PIDD1: variants seen among roughly 807,000 people sequenced by gnomAD.
The protein encoded by PIDD1 is p53-induced death domain protein 1.
Under a neutral mutation model 80.0 loss-of-function variants are expected in PIDD1, and 72 were observed. The observed-to-expected ratio is 0.90, with a 90% CI of 0.74 to 1.09. PIDD1 has a LOEUF of 1.09. Ranked by LOEUF, PIDD1 falls within the 50% of genes least tolerant of loss-of-function variation. PIDD1 has a pLI of 0.00. For synonymous variants in PIDD1, 655 were observed against 543.5 expected (o/e 1.21, Z -2.85); for missense variants, 1,329 against 1,228.3 (o/e 1.08, Z -1.23).
chr11:802,056 T>C lies in PIDD1; in HGVS notation c.1211A>G (p.Gln404Arg), dbSNP rs760579972. ...CACCACTTCACGGCAGCGCCGGGCCTGCGGTGGGGTGAAGAGCAGCCACAG... is the reference window on the plus strand; with the variant it reads ...CACCACTTCACGGCAGCGCCGGGCCCGCGGTGGGGTGAAGAGCAGCCACAG... ...VGLWLLFTPPQARRCREVVVR... is the reference protein window; with the variant it reads ...VGLWLLFTPPRARRCREVVVR... Residue 404 changes from glutamine (Q) to arginine (R), a missense_variant, in exon 7 of 16, where the codon CAG (glutamine) becomes CGG (arginine). By Grantham distance (43) the Gln-to-Arg change is conservative. Transcript: ENST00000347755. 1.3e-6 allele frequency: 2 copies of C among 1,583,566 alleles called. No individual in the cohort carries two copies. The highest frequency in any genetic ancestry group is 1.8e-5 in the Admixed American group (1 of 55,152).
chr11:806,992 G>C (rs991688002), upstream of PIDD1, among the ~76,000 whole-genome samples: 1 of 152,184 alleles, frequency 6.6e-6, no homozygotes, highest in African/African-American at 2.4e-5. Flanking sequence ...AGGAGTTCAA[G>C]CCCAGTCTGG....
upstream of PIDD1, among the ~76,000 whole-genome samples, chr11:807,620 A>G (rs531716122): frequency 2.7e-5 from 4 of 149,316 alleles, no homozygotes; most frequent in East Asian, 8.1e-4. Context: ...CACTAAAAAC[A>G]CAAAAACTTA....
upstream of PIDD1, chr11:805,388 C>T (rs1185546226): frequency 5.9e-6 from 2 of 340,340 alleles, no homozygotes; most frequent in African/African-American, 4.4e-5. Flanking sequence ...GTCGCAGCCC[C>T]GGAGACGCGG....
rs776744910 is a variant in PIDD1 at position 799,585 on chromosome 11, G to A, written c.2475-20C>T. On this transcript the variant is annotated intron_variant, in intron 15 of 15. Transcript: ENST00000347755. ...TCATCCCTGCAGGCAGAGGATGGGC[G>A]ACAGAGGGGTCCTGTCCACCTGCCC... 5.1e-6 allele frequency: 8 copies of A among 1,578,126 alleles called. No individual in the cohort carries two copies. The highest frequency in any genetic ancestry group is 4.5e-5 in the East Asian group (2 of 44,570).
In PIDD1 at chr11:799,332, T is replaced by C; in HGVS notation, c.2708A>G (p.Gln903Arg). 1.2e-6 allele frequency: 2 copies of C among 1,606,880 alleles called. No homozygotes were observed. Among genetic ancestry groups the C allele is most frequent in the Non-Finnish European group, 8.5e-7 (1 of 1,177,878 alleles). ...DPALPGSSAP[Q>R]PPEPAQA is the part of the protein sequence containing the mutation. ...CTAGGCCTGGGCAGGCTCTGGGGGCTGTGGAGCCGAGGAGCCAGGCAGAGC... is the reference window on the plus strand; with the variant it reads ...CTAGGCCTGGGCAGGCTCTGGGGGCCGTGGAGCCGAGGAGCCAGGCAGAGC... The change falls in exon 16 of 16, where the codon CAG (glutamine) becomes CGG (arginine). Residue 903 changes from glutamine (Q) to arginine (R), a missense_variant. Gln to Arg is a conservative substitution (Grantham distance 43, BLOSUM62 1). Coordinates refer to ENST00000347755, the MANE Select transcript of PIDD1 (RefSeq NM_145886.4).
Position 801,628 on chromosome 11 carries a change from G to A in PIDD1, c.1303-4C>T. On this transcript the variant is annotated splice_polypyrimidine_tract_variant and splice_region_variant and intron_variant, in intron 7 of 15. Transcript: ENST00000347755. ...CCTGGCAGTGAGCCCAGAGCCGCTG[G>A]GATGGGGGAGAGAGGAGGTCACAGG... 6.6e-7 allele frequency: 1 copy of A among 1,516,156 alleles called. No homozygotes were observed. Among genetic ancestry groups the A allele is most frequent in the Non-Finnish European group, 8.8e-7 (1 of 1,131,236 alleles). 93.9% of individuals were successfully genotyped at this position (1,516,156 alleles called of 1,614,324 possible). A position where few individuals can be genotyped will look rare whatever the true frequency, so the allele number is the denominator to read the frequency against.
rs766234702 is a variant in PIDD1 at position 801,140 on chromosome 11, C to T, written c.1631-20G>A. 33 of 1,546,492 alleles carry T rather than the reference C, an allele frequency of 2.1e-5. No homozygotes were observed. The South Asian group carries it at 3.1e-4, about 14-fold the overall frequency. On this transcript the variant is annotated intron_variant, in intron 9 of 15. Transcript: ENST00000347755. ...TGAGGCCTGGGGATGGGAGGGGCAG[C>T]GAGCTGAGGCCTCCTGGCCGGAGAC...
intron 7 of PIDD1, 28 bp from the exon 8 acceptor site, chr11:801,652 G>A (rs375458373): frequency 6.5e-7 from 1 of 1,540,576 alleles, no homozygotes; most frequent in Non-Finnish European, 8.8e-7. Context: ...GGAGGTCACA[G>A]GAGCCTGGGT....
At chr11:799,710 T>C in intron 15 of PIDD1, 105 bp downstream of exon 15, 1 of 1,367,100 alleles carries the variant, frequency 7.3e-7, no homozygotes, top group East Asian at 2.5e-5. Context: ...TGTTTGCCCT[T>C]CCCCCACCTC....
At position 799,330 on chromosome 11, in the gene PIDD1, G is replaced by T. The variant is rs1170570085; in HGVS notation, c.2710C>A (p.Pro904Thr). Residue 904 changes from proline to threonine, a missense_variant, in exon 16 of 16, where the codon CCC becomes ACC. Coordinates refer to ENST00000347755, the MANE Select transcript of PIDD1 (RefSeq NM_145886.4). ...PALPGSSAPQ[P>T]PEPAQA ...GCCTAGGCCTGGGCAGGCTCTGGGG[G>T]CTGTGGAGCCGAGGAGCCAGGCAGA... 1 of 1,606,332 alleles carries T rather than the reference G, an allele frequency of 6.2e-7. No homozygotes were observed. Among genetic ancestry groups the T allele is most frequent in the Admixed American group, 1.7e-5 (1 of 59,868 alleles).
At position 802,883 on chromosome 11, in the gene PIDD1, G is replaced by T. The variant is rs777494501; in HGVS notation, c.718C>A (p.Arg240=). Residue 240 remains arginine (R), a synonymous_variant, in exon 4 of 16, where the codon CGG becomes AGG. Coordinates refer to ENST00000347755, the MANE Select transcript of PIDD1 (RefSeq NM_145886.4). ...TGCAGGACAAGGAGCCGCAAGGACC[G>T]AAGTCCCGCTGCGGGCAGTTGCTGG... is the stretch of plus-strand genomic sequence containing the variant. ...QSLPASLAGL[R]SLRLLVLHSN... is the part of the protein sequence containing the mutation. 1 of 1,566,612 alleles carries T rather than the reference G, an allele frequency of 6.4e-7. No individual in the cohort carries two copies. Among genetic ancestry groups the T allele is most frequent in the Non-Finnish European group, 8.6e-7 (1 of 1,156,618 alleles).
rs1565059207 is a variant in PIDD1 at position 801,631 on chromosome 11, T to G, written c.1303-7A>C. 1 of 1,548,034 alleles carries G rather than the reference T, an allele frequency of 6.5e-7. No individual in the cohort carries two copies. Among genetic ancestry groups the G allele is most frequent in the South Asian group, 1.2e-5 (1 of 83,752 alleles). Reference sequence around the variant, plus strand: ...GGCAGTGAGCCCAGAGCCGCTGGGATGGGGGAGAGAGGAGGTCACAGGAGC... The same window carrying G: ...GGCAGTGAGCCCAGAGCCGCTGGGAGGGGGGAGAGAGGAGGTCACAGGAGC... On this transcript the variant is annotated splice_polypyrimidine_tract_variant and splice_region_variant and intron_variant, in intron 7 of 15. Coordinates refer to ENST00000347755, the MANE Select transcript of PIDD1 (RefSeq NM_145886.4).
chr11:803,772 G>A (rs1240391660), intron 2 of PIDD1, 185 bp from the exon 3 acceptor site: 3 of 679,370 alleles, frequency 4.4e-6, no homozygotes, highest in African/African-American at 1.8e-5. Context: ...AGGCAGGGGT[G>A]GAGACCACCG....
rs1274157020 is a variant in PIDD1 at position 802,834 on chromosome 11, G to A, written c.767C>T (p.Pro256Leu). The change falls in exon 4 of 16, where the codon CCA becomes CTA. Residue 256 changes from proline (P) to leucine (L), a missense_variant. Pro to Leu is a moderately conservative substitution (Grantham distance 98). Transcript: ENST00000347755. ...GAGTGGAAGGCGGGCCAAGTCAGCT[G>A]GCACAGAGGCCAGGAGGTTGCTGTG... is the stretch of plus-strand genomic sequence containing the variant. ...VLHSNLLASV[P>L]ADLARLPLLT... 4 of 1,596,012 alleles carry A rather than the reference G, an allele frequency of 2.5e-6. No homozygotes were observed. The highest frequency in any genetic ancestry group is 1.1e-5 in the South Asian group (1 of 88,710).
chr11:807,756 G>T (rs148652723), upstream of PIDD1, among the ~76,000 whole-genome samples: 1 of 151,936 alleles, frequency 6.6e-6, no homozygotes, highest in Non-Finnish European at 1.5e-5. Flanking sequence ...CAGCCTGGGC[G>T]GCAGAGCAAG....
intron 1 of PIDD1, chr11:804,859 A>G (rs910373638): frequency 1.3e-5 from 2 of 155,508 alleles, no homozygotes; most frequent in African/African-American, 4.8e-5. Context: ...ACCCTCCCCT[A>G]CCGCGGGGGT....
At position 801,459 on chromosome 11, in the gene PIDD1, G is replaced by C. The variant is rs377230386; in HGVS notation, c.1468C>G (p.Arg490Gly). ...CCTGGCCATACCTGCATGGAGACTC[G>C]ACGAGGCTCCTCAGTGGCCCCAGGG... Reference protein sequence around the residue: ...FPPGATEEPRRVSMQVVRMAG... With the variant: ...FPPGATEEPRGVSMQVVRMAG... Residue 490 changes from arginine to glycine, a missense_variant, in exon 8 of 16, where the codon CGA (arginine) becomes GGA (glycine). Coordinates refer to ENST00000347755, the MANE Select transcript of PIDD1 (RefSeq NM_145886.4). The C allele has an allele frequency of 8.4e-6, 13 of 1,544,992 alleles. No homozygotes were observed. In the African/African-American group the frequency reaches 1.5e-4, roughly 18 times the overall value.
Position 800,022 on chromosome 11 carries a change from A to C in PIDD1, c.2275-8T>G, listed in dbSNP as rs1565050716. On this transcript the variant is annotated splice_region_variant and splice_polypyrimidine_tract_variant and intron_variant, in intron 14 of 15. Transcript: ENST00000347755. Reference sequence around the variant, plus strand: ...CTCGGACCCTCGAAGTCTCTGTTGGAAGGAAAAAGTGCATTAAGCCCTGGG... The same window carrying C: ...CTCGGACCCTCGAAGTCTCTGTTGGCAGGAAAAAGTGCATTAAGCCCTGGG... 1 of 1,612,384 alleles carries C rather than the reference A, an allele frequency of 6.2e-7. No individual in the cohort carries two copies. Among genetic ancestry groups the C allele is most frequent in the Non-Finnish European group, 8.5e-7 (1 of 1,179,576 alleles).
At chr11:809,235 AGGGGCT>A (rs1397272471), upstream of PIDD1, among the ~76,000 whole-genome samples, 5 of 152,238 alleles carry the variant, frequency 3.3e-5, no homozygotes, top group African/African-American at 1.2e-4. Flanking sequence ...CGGCCAGCGC[AGGGGCT>A]GACCACTCAG....
Sources: allele counts gnomAD v4.1 joint callset (sites outside exome capture counted in the v4.1 genomes callset), GRCh38; gene constraint gnomAD v4.1.1; transcripts MANE v1.5; gene names NCBI Gene and HGNC (gene_info 2026-07-23, HGNC 2026-07-21).